The following DAB1 variants were observed in gnomAD, a reference collection of about 807,000 sequenced individuals.
The protein encoded by DAB1 is disabled homolog 1.
A neutral mutation model predicts 64.6 loss-of-function variants in DAB1; 15 were observed. That is an observed-to-expected ratio of 0.23 (90% confidence interval 0.16 to 0.36). The LOEUF (loss-of-function observed/expected upper bound fraction) is 0.36, where lower values mean the gene tolerates loss of function less well. Ranked by LOEUF, DAB1 falls within the 10% of genes least tolerant of loss-of-function variation. The pLI is 1.00. For missense variants in DAB1, 596 were observed against 706.7 expected (o/e 0.84, Z 1.78); for synonymous variants, 235 against 251.9 (o/e 0.93, Z 0.64).
At chr1:58,423,329 G>C (rs1181503834) in intron 3 of DAB1, among the ~76,000 whole-genome samples, 1 of 152,184 alleles carries the variant, frequency 6.6e-6, no homozygotes, top group East Asian at 1.9e-4. Context: ...TATCAAAAAA[G>C]AGAGTGCCTC....
chr1:58,210,459 T>C (rs540691683), intron 4 of DAB1, among the ~76,000 whole-genome samples: 1 of 152,294 alleles, frequency 6.6e-6, no homozygotes, highest in African/African-American at 2.4e-5. Context: ...TCTCCCCACC[T>C]ACCCCCAACA....
intron 6 of DAB1, among the ~76,000 whole-genome samples, chr1:57,675,125 C>A (rs1040828319): frequency 2.6e-5 from 4 of 152,194 alleles, no homozygotes; most frequent in Non-Finnish European, 5.9e-5. Context: ...CAAGTGACCA[C>A]ATGGAACAGT....
chr1:57,138,782 A>G (rs1318161489), intron 3 of DAB1, among the ~76,000 whole-genome samples: 1 of 152,146 alleles, frequency 6.6e-6, no homozygotes, highest in East Asian at 1.9e-4. Flanking sequence ...CTTTATGCCA[A>G]ATTGCATCTC....
chr1:57,279,135 T>C (rs1022058633), intron 2 of DAB1, among the ~76,000 whole-genome samples: 21 of 152,190 alleles, frequency 1.4e-4, no homozygotes, highest in South Asian at 4.1e-4. Flanking sequence ...AATTAAGAGA[T>C]AGAAATGATG....
At chr1:58,314,749 C>G (rs1421660871) in intron 4 of DAB1, among the ~76,000 whole-genome samples, 2 of 152,184 alleles carry the variant, frequency 1.3e-5, no homozygotes, top group East Asian at 3.9e-4. Flanking sequence ...AGCTCCATGA[C>G]AACAGAGATT....
chr1:57,262,704 A>T (rs1350208605), intron 2 of DAB1, among the ~76,000 whole-genome samples: 1 of 152,206 alleles, frequency 6.6e-6, no homozygotes, highest in Non-Finnish European at 1.5e-5. Context: ...AAAGGTATGG[A>T]ACCCATAAAG....
intron 5 of DAB1, among the ~76,000 whole-genome samples, chr1:58,084,808 T>C (rs987530602): frequency 3.3e-5 from 5 of 149,930 alleles, no homozygotes; most frequent in Admixed American, 2.0e-4. Context: ...TATACACACA[T>C]ATGTGTATAT....
intron 3 of DAB1, among the ~76,000 whole-genome samples, chr1:58,417,371 T>C (rs1015447213): frequency 1.3e-5 from 2 of 152,264 alleles, no homozygotes; most frequent in African/African-American, 4.8e-5. Context: ...CTTGGATGCC[T>C]GGTCTGTTAT....
intron 4 of DAB1, among the ~76,000 whole-genome samples, chr1:57,080,904 C>T (rs1176213773): frequency 2.0e-5 from 3 of 152,238 alleles, no homozygotes; most frequent in African/African-American, 7.2e-5. Flanking sequence ...ACTGTTCTGT[C>T]TCATTCAACT....
intron 5 of DAB1, chr1:58,071,530 A>T (rs1351839801): frequency 1.3e-5 from 2 of 152,116 alleles, no homozygotes; most frequent in Admixed American, 6.6e-5. Context: ...TTGACATGGC[A>T]CTGATGTTTG....
At chr1:58,277,901 A>T (rs1202729139) in intron 4 of DAB1, among the ~76,000 whole-genome samples, 1 of 152,152 alleles carries the variant, frequency 6.6e-6, no homozygotes. Context: ...TTGCTGGAGA[A>T]TATTCTTCCA....
intron 3 of DAB1, among the ~76,000 whole-genome samples, chr1:58,457,370 G>A (rs1226250541): frequency 6.6e-6 from 1 of 152,148 alleles, no homozygotes; most frequent in Non-Finnish European, 1.5e-5. Context: ...CGGGGAGGTA[G>A]TGAGAAAAAG....
intron 5 of DAB1, among the ~76,000 whole-genome samples, chr1:58,053,400 TG>T (rs1471659632): frequency 6.6e-6 from 1 of 152,174 alleles, no homozygotes; most frequent in Non-Finnish European, 1.5e-5. Context: ...TGTGCAGAGA[TG>T]GCATGGTGAA....
intron 5 of DAB1, among the ~76,000 whole-genome samples, chr1:58,113,435 C>A (rs550135658): frequency 6.6e-6 from 1 of 152,138 alleles, no homozygotes; most frequent in Non-Finnish European, 1.5e-5. Flanking sequence ...TAGCAAACTT[C>A]GGATTCCTCC....
At chr1:58,316,527 G>T (rs1219422505) in intron 4 of DAB1, among the ~76,000 whole-genome samples, 1 of 152,082 alleles carries the variant, frequency 6.6e-6, no homozygotes, top group Non-Finnish European at 1.5e-5. Context: ...CCAGAGGAGA[G>T]GGCAGGCAAG....
intron 1 of DAB1, among the ~76,000 whole-genome samples, chr1:57,418,130 G>C (rs1684631063): frequency 6.6e-6 from 1 of 152,176 alleles, no homozygotes; most frequent in Admixed American, 6.5e-5. Context: ...GCCTAGCACA[G>C]AGCCAGAGTC....
chr1:58,427,459 G>A (rs1644832633), intron 3 of DAB1, among the ~76,000 whole-genome samples: 1 of 152,044 alleles, frequency 6.6e-6, no homozygotes, highest in Admixed American at 6.6e-5. Flanking sequence ...GAGTCGAGGG[G>A]AACAGTTAGG....
intron 7 of DAB1, among the ~76,000 whole-genome samples, chr1:57,648,538 T>G (rs1646220482): frequency 6.6e-6 from 1 of 152,188 alleles, no homozygotes; most frequent in Non-Finnish European, 1.5e-5. Flanking sequence ...GAGTAATTAA[T>G]TTCCTCTGTC....
chr1:57,824,293 G>T (rs1234889863), downstream of DAB1, among the ~76,000 whole-genome samples: 2 of 152,096 alleles, frequency 1.3e-5, no homozygotes, highest in African/African-American at 4.8e-5. Flanking sequence ...GAGGGTGGGG[G>T]TTCACCTTCC....
Sources: gnomAD v4.1 joint callset for allele counts (sites outside exome capture counted in the v4.1 genomes callset) on GRCh38, gnomAD v4.1.1 for gene constraint, MANE v1.5 for transcripts, NCBI Gene and HGNC (gene_info 2026-07-23, HGNC 2026-07-21) for gene names.